PDXK: variants seen among roughly 807,000 people sequenced by gnomAD.
PDXK encodes the protein pyridoxal kinase.
A neutral mutation model predicts 43.2 loss-of-function variants in PDXK; 15 were observed. The ratio of observed to expected loss-of-function variants is 0.35; its 90% CI spans 0.23 to 0.53. The LOEUF is 0.53. Among genes scored for constraint, PDXK ranks in the 20% least tolerant of loss-of-function variants. PDXK has a pLI of 0.92. For missense variants in PDXK, 343 were observed against 417.0 expected (o/e 0.82, Z 1.54); for synonymous variants, 172 against 165.4 (o/e 1.04, Z -0.31).
Position 43,752,464 on chromosome 21 carries a change from AGCCGTGGCTGACATGTGACCG to A in PDXK, c.511-41_511-21del, listed in dbSNP as rs553590476. Reference sequence around the variant, plus strand: ...ATGGATCGGGGAGTGGGGTGTGACCAGCCGTGGCTGACATGTGACCGGCCGTGGCTGACGCTCCCTGTGCCA... The same window carrying A: ...ATGGATCGGGGAGTGGGGTGTGACCAGCCGTGGCTGACGCTCCCTGTGCCA... On this transcript the variant is annotated intron_variant, in intron 7 of 10. Transcript: ENST00000291565. 2,216 of 1,226,102 alleles carry A rather than the reference AGCCGTGGCTGACATGTGACCG, an allele frequency of 1.8e-3. 107 individuals are homozygous for A. In the East Asian group the frequency reaches 0.051, roughly 28 times the overall value. The allele number at this position is 1,226,102 out of a possible 1,614,324, so 76.0% of individuals were successfully genotyped here.
rs530614316 is a variant in PDXK, at chr21:43,749,812, C to T, written c.465-688C>T. Among the ~76,000 whole-genome samples the T allele has an allele frequency of 2.2e-3, 332 of 152,276 alleles. 1 individual carries two copies. The highest frequency in any genetic ancestry group is 2.6e-3 in the Non-Finnish European group (175 of 67,998). On this transcript the variant is annotated intron_variant, in intron 6 of 10. Transcript: ENST00000291565. ...ACAGGCGGCCAGGTCACCTGCCGCC[C>T]TGTGAGGGGAAGAGGAGTGTGTTGG...
rs2083431724 is a variant in PDXK at position 43,737,885 on chromosome 21, C to T, written c.142+3762C>T. On this transcript the variant is annotated intron_variant, in intron 2 of 10. Transcript: ENST00000291565. This position sits in a 1 kb window ranked among gnomAD's most constrained non-coding sequence, Gnocchi z 4.8. Reference sequence around the variant, plus strand: ...TGGACACAAGATCCAAGCGCCCTCCCCTGTTGGAGAAGGTTCTTGTGGGCT... The same window carrying T: ...TGGACACAAGATCCAAGCGCCCTCCTCTGTTGGAGAAGGTTCTTGTGGGCT... 2 of 985,512 alleles carry T rather than the reference C, an allele frequency of 2.0e-6. No homozygotes were observed. Among genetic ancestry groups the T allele is most frequent in the African/African-American group, 1.7e-5 (1 of 57,388 alleles). 61.0% of individuals were successfully genotyped at this position (985,512 alleles called of 1,614,324 possible). A position where few individuals can be genotyped will look rare whatever the true frequency, so the allele number is the denominator to read the frequency against.
intron 2 of PDXK, among the ~76,000 whole-genome samples, chr21:43,736,629 G>GT (rs34234452): frequency 0.014 from 1,616 of 118,622 alleles, 23 homozygotes; most frequent in East Asian, 0.022. Flanking sequence ...TCCTTTTTCT[G>GT]TTTTTTTTTT....
intron 1 of PDXK, among the ~76,000 whole-genome samples, chr21:43,726,834 ATG>A (rs1352374387): frequency 6.6e-6 from 1 of 151,502 alleles, no homozygotes; most frequent in Non-Finnish European, 1.5e-5. Context: ...CTGTGTGTGT[ATG>A]TGGGTGTGCA....
At chr21:43,727,218 A>G (rs1274802543) in intron 1 of PDXK, among the ~76,000 whole-genome samples, 1 of 152,212 alleles carries the variant, frequency 6.6e-6, no homozygotes, top group Non-Finnish European at 1.5e-5. Flanking sequence ...AGCTTTTGAA[A>G]TGGAATCCTG....
In PDXK at chr21:43,735,308, G is replaced by A. The variant is rs994887688; in HGVS notation, c.142+1185G>A. ...GCCGGCTTGGACACTAAAGCAGGGT[G>A]TTGAGTGTGTTTCTGGGGACTGTGT... On this transcript the variant is annotated intron_variant, in intron 2 of 10. Transcript: ENST00000291565. This position sits in a 1 kb window ranked among gnomAD's most constrained non-coding sequence, Gnocchi z 5.3. Among the ~76,000 whole-genome samples, 1 of 152,210 alleles carries A rather than the reference G, an allele frequency of 6.6e-6. No individual in the cohort carries two copies. Among genetic ancestry groups the A allele is most frequent in the Non-Finnish European group, 1.5e-5 (1 of 68,026 alleles).
In PDXK at chr21:43,735,661, G is replaced by A. The variant is rs999069784; in HGVS notation, c.142+1538G>A. On this transcript the variant is annotated intron_variant, in intron 2 of 10. Coordinates refer to ENST00000291565, the MANE Select transcript of PDXK (RefSeq NM_003681.5). The surrounding 1 kb of genome is among the most constrained non-coding windows in gnomAD (Gnocchi z 5.3). ...CACTCCAGCCTCCTCCAGATGCCATGGGGGGCCTGCTGGTTTAGGACCCCT... is the reference window on the plus strand; with the variant it reads ...CACTCCAGCCTCCTCCAGATGCCATAGGGGGCCTGCTGGTTTAGGACCCCT... Among the ~76,000 whole-genome samples, 20 of 151,838 alleles carry A rather than the reference G, an allele frequency of 1.3e-4. No individual in the cohort carries two copies. Among genetic ancestry groups the A allele is most frequent in the Non-Finnish European group, 2.6e-4 (18 of 67,986 alleles).
intron 1 of PDXK, chr21:43,728,752 C>T: frequency 1.0e-6 from 1 of 985,792 alleles, no homozygotes; most frequent in Non-Finnish European, 1.2e-6. Flanking sequence ...GCGGGCTGCG[C>T]CTGGGCAGGG....
At position 43,740,210 on chromosome 21, in the gene PDXK, C is replaced by T. The variant is rs576794569; in HGVS notation, c.143-1457C>T. ...CCTTTGCGCCACACGTCCTCCCGTGCGACGGCTGCTGGGGAAAGCCAAAGG... is the reference window on the plus strand; with the variant it reads ...CCTTTGCGCCACACGTCCTCCCGTGTGACGGCTGCTGGGGAAAGCCAAAGG... On this transcript the variant is annotated intron_variant, in intron 2 of 10. Transcript: ENST00000291565. Among the ~76,000 whole-genome samples the T allele has an allele frequency of 6.4e-4, 97 of 152,208 alleles. 2 individuals are homozygous for T. Among genetic ancestry groups the T allele is most frequent in the African/African-American group, 1.8e-3 (73 of 41,570 alleles).
chr21:43,760,822 T>C lies in PDXK; in HGVS notation c.*4759T>C, dbSNP rs912025047. 1 of 152,212 alleles carries C rather than the reference T, an allele frequency of 6.6e-6. No individual in the cohort carries two copies. Among genetic ancestry groups the C allele is most frequent in the Non-Finnish European group, 1.5e-5 (1 of 68,066 alleles). 9.4% of individuals were successfully genotyped at this position (152,212 alleles called of 1,614,324 possible). A position where few individuals can be genotyped will look rare whatever the true frequency, so the allele number is the denominator to read the frequency against. ...CCGGGCATCCCATCACCCACCAGGG[T>C]GCACGGTCTCTCCTGCTGGGGGCTT... On this transcript the variant is annotated 3_prime_UTR_variant, in exon 11 of 11. Transcript: ENST00000291565.
chr21:43,732,739 T>TTTTTTA lies in PDXK; in HGVS notation c.88-1316_88-1311dup, dbSNP rs922832055. 9 of 687,334 alleles carry TTTTTTA rather than the reference T, an allele frequency of 1.3e-5. No homozygotes were observed. Among genetic ancestry groups the TTTTTTA allele is most frequent in the Non-Finnish European group, 2.3e-5 (9 of 385,190 alleles). The allele number at this position is 687,334 out of a possible 1,614,324, so 42.6% of individuals were successfully genotyped here. A position where few individuals can be genotyped will look rare whatever the true frequency, so the allele number is the denominator to read the frequency against. ...GTACATTTGCAAAGTGCCCATTTTA[T>TTTTTTA]TTTTTATTTTTATTTTTATGTTTTT... On this transcript the variant is annotated intron_variant, in intron 1 of 10. Coordinates refer to ENST00000291565, the MANE Select transcript of PDXK (RefSeq NM_003681.5). This position sits in a 1 kb window ranked among gnomAD's most constrained non-coding sequence, Gnocchi z 4.1.
intron 5 of PDXK, among the ~76,000 whole-genome samples, chr21:43,747,868 A>G (rs956030997): frequency 3.3e-5 from 5 of 152,190 alleles, no homozygotes; most frequent in Admixed American, 2.0e-4. Flanking sequence ...GGCCCTCCCT[A>G]CCCAAAATGG....
chr21:43,732,293 C>T lies in PDXK; in HGVS notation c.88-1776C>T. 6.4e-7 allele frequency: 1 copy of T among 1,573,096 alleles called. No individual in the cohort carries two copies. The highest frequency in any genetic ancestry group is 1.2e-5 in the South Asian group (1 of 85,330). The stretch of plus-strand genomic sequence containing the variant: ...GCAGGAGATACCTTTCTCTGGGGTC[C>T]CAGGCTCCCGTCCTGGACCTTGGCA... On this transcript the variant is annotated intron_variant, in intron 1 of 10. Coordinates refer to ENST00000291565, the MANE Select transcript of PDXK (RefSeq NM_003681.5). The surrounding 1 kb of genome is among the most constrained non-coding windows in gnomAD (Gnocchi z 4.1).
chr21:43,741,684 G>A lies in PDXK; in HGVS notation c.160G>A (p.Gly54Ser). 2.5e-6 allele frequency: 4 copies of A among 1,612,884 alleles called. No individual in the cohort carries two copies. Among genetic ancestry groups the A allele is most frequent in the Non-Finnish European group, 3.4e-6 (4 of 1,179,196 alleles). The change falls in exon 3 of 11, where the codon GGC becomes AGC. Residue 54 changes from glycine (G) to serine (S), a missense_variant. Transcript: ENST00000291565. ...SNHTGYAHWKGQVLNSDELQE... is the reference protein window; with the variant it reads ...SNHTGYAHWKSQVLNSDELQE... The stretch of plus-strand genomic sequence containing the variant: ...GCCTCTAGGCTATGCCCACTGGAAG[G>A]GCCAAGTGCTGAATTCAGATGAGCT...
intron 1 of PDXK, among the ~76,000 whole-genome samples, chr21:43,730,066 A>T (rs1042068377): frequency 6.6e-6 from 1 of 152,256 alleles, no homozygotes; most frequent in Non-Finnish European, 1.5e-5. Context: ...GTGGACCGTC[A>T]CAGCAGGTAT....
intron 7 of PDXK, among the ~76,000 whole-genome samples, chr21:43,751,709 CA>C (rs2056787261): frequency 1.3e-5 from 2 of 152,112 alleles, no homozygotes; most frequent in African/African-American, 4.8e-5. Context: ...GTGTGGATGG[CA>C]GGGGGCTCGA....
rs2083390220 is a variant in PDXK at position 43,735,739 on chromosome 21, C to G, written c.142+1616C>G. Among the ~76,000 whole-genome samples, 1 of 152,018 alleles carries G rather than the reference C, an allele frequency of 6.6e-6. No individual in the cohort carries two copies. Among genetic ancestry groups the G allele is most frequent in the African/African-American group, 2.4e-5 (1 of 41,382 alleles). The stretch of plus-strand genomic sequence containing the variant: ...TGGCTCCCAGCCCCCTGTACCCACA[C>G]TCTCGGGGTCAGCTGTCTGTGCGGC... On this transcript the variant is annotated intron_variant, in intron 2 of 10. Transcript: ENST00000291565. The surrounding 1 kb of genome is among the most constrained non-coding windows in gnomAD (Gnocchi z 5.3).
intron 1 of PDXK, chr21:43,721,745 T>C (rs1263717031): frequency 1.3e-5 from 2 of 152,264 alleles, no homozygotes; most frequent in African/African-American, 4.8e-5. Context: ...TCCTTGTGAG[T>C]GTAGCACAGA....
Position 43,756,292 on chromosome 21 carries a change from C to T in PDXK, c.*229C>T. The stretch of plus-strand genomic sequence containing the variant: ...TCTGAAAACCCGGCTCCCTTCCCCA[C>T]AAGGCTCCTGGGCCTCCGGGAAGAC... On this transcript the variant is annotated 3_prime_UTR_variant, in exon 11 of 11. Transcript: ENST00000291565. 2 of 423,332 alleles carry T rather than the reference C, an allele frequency of 4.7e-6. No homozygotes were observed. The highest frequency in any genetic ancestry group is 8.6e-6 in the Non-Finnish European group (2 of 231,574). The allele number at this position is 423,332 out of a possible 1,614,324, so 26.2% of individuals were successfully genotyped here. A position where few individuals can be genotyped will look rare whatever the true frequency, so the allele number is the denominator to read the frequency against.
Sources: allele counts gnomAD v4.1 joint callset (sites outside exome capture counted in the v4.1 genomes callset), GRCh38; gene constraint gnomAD v4.1.1; non-coding constraint Gnocchi (gnomAD v3.1); transcripts MANE v1.5; gene names NCBI Gene and HGNC (gene_info 2026-07-23, HGNC 2026-07-21).